Variants in CTNNA3 observed in about 807,000 individuals in gnomAD.
CTNNA3 encodes catenin alpha 3.
A neutral mutation model predicts 95.7 loss-of-function variants in CTNNA3; 76 were observed. The observed-to-expected ratio is 0.79, with a 90% CI of 0.66 to 0.96. CTNNA3 has a LOEUF of 0.96. Ranked by LOEUF, CTNNA3 falls within the 40% of genes least tolerant of loss-of-function variation. The pLI is 0.00. For missense variants in CTNNA3, 1,191 were observed against 1,089.8 expected, an observed-to-expected ratio of 1.09 and a Z score of -1.31; for synonymous variants, 431 against 374.4, an observed-to-expected ratio of 1.15 and a Z score of -1.74.
chr10:65,927,506 A>G (rs1484295562), intron 17 of CTNNA3, among the ~76,000 whole-genome samples: 2 of 152,168 alleles, frequency 1.3e-5, no homozygotes, highest in Non-Finnish European at 2.9e-5. Context: ...ATAGAGCACC[A>G]CAGATTAGAT....
At chr10:67,646,649 T>G (rs533637435) in intron 2 of CTNNA3, among the ~76,000 whole-genome samples, 2 of 152,136 alleles carry the variant, frequency 1.3e-5, no homozygotes, top group South Asian at 2.1e-4. Context: ...GTCGGCATAG[T>G]TTTTCACCCA....
At chr10:66,891,627 T>C (rs1321572619) in intron 7 of CTNNA3, among the ~76,000 whole-genome samples, 1 of 152,142 alleles carries the variant, frequency 6.6e-6, no homozygotes, top group Non-Finnish European at 1.5e-5. Context: ...TTTTCTTGTA[T>C]GTAGATTTCA....
chr10:67,411,269 T>A (rs1239380644), intron 5 of CTNNA3, among the ~76,000 whole-genome samples: 1 of 152,142 alleles, frequency 6.6e-6, no homozygotes, highest in Non-Finnish European at 1.5e-5. Context: ...ATATAATCAT[T>A]CCACAATGTC....
At chr10:66,243,360 C>A (rs1199078475) in intron 13 of CTNNA3, among the ~76,000 whole-genome samples, 4 of 152,154 alleles carry the variant, frequency 2.6e-5, no homozygotes, top group South Asian at 2.1e-4. Flanking sequence ...AAGTCTGGTA[C>A]CTTTTTAAGT....
At chr10:67,553,898 A>T (rs1841126817) in intron 3 of CTNNA3, among the ~76,000 whole-genome samples, 1 of 151,974 alleles carries the variant, frequency 6.6e-6, no homozygotes, top group South Asian at 2.1e-4. Context: ...TCCTAATGCT[A>T]TCCCTCCCCG....
At chr10:66,326,554 G>A (rs909167271) in intron 12 of CTNNA3, among the ~76,000 whole-genome samples, 48 of 151,858 alleles carry the variant, frequency 3.2e-4, no homozygotes, top group African/African-American at 1.1e-3. Flanking sequence ...ATAAGTTATA[G>A]GAAAATAATA....
In CTNNA3 at chr10:66,517,478, G is replaced by C. The variant is rs144402233; in HGVS notation, c.1531+3139C>G. 5.2e-3 allele frequency among the ~76,000 whole-genome samples: 794 copies of C among 152,084 alleles called. 5 individuals are homozygous for C. Among genetic ancestry groups the C allele is most frequent in the African/African-American group, 0.018 (760 of 41,476 alleles). On this transcript the variant is annotated intron_variant, in intron 11 of 17. Coordinates refer to ENST00000433211, the MANE Select transcript of CTNNA3 (RefSeq NM_013266.4). The stretch of plus-strand genomic sequence containing the variant: ...TACCAAAACCAAGATGGCCACAAGA[G>C]TGACCTCTGCTCATCCTCACTACTA...
intron 5 of CTNNA3, among the ~76,000 whole-genome samples, chr10:67,432,637 T>G (rs1242314364): frequency 6.6e-6 from 1 of 152,072 alleles, no homozygotes; most frequent in Non-Finnish European, 1.5e-5. Flanking sequence ...AAAATACATA[T>G]GATTGCATTT....
chr10:67,180,555 C>A, intron 6 of CTNNA3, 35 bp from the exon 7 acceptor site: 1 of 1,497,468 alleles, frequency 6.7e-7, no homozygotes, highest in East Asian at 2.3e-5. Context: ...GTTAGAGCTC[C>A]ATGGCATTTC....
chr10:67,535,058 T>A (rs1201814135), intron 4 of CTNNA3, among the ~76,000 whole-genome samples: 1 of 152,148 alleles, frequency 6.6e-6, no homozygotes, highest in Non-Finnish European at 1.5e-5. Context: ...CATTAAAAAG[T>A]AAGTCATGCC....
chr10:66,292,497 C>T (rs2132198239), intron 12 of CTNNA3, among the ~76,000 whole-genome samples: 1 of 148,976 alleles, frequency 6.7e-6, no homozygotes, highest in African/African-American at 2.5e-5. Flanking sequence ...AGGTCTCTCT[C>T]AATGGAAAAG....
rs568309782 is a variant in CTNNA3 at position 66,753,101 on chromosome 10, C to T, written c.1281+13163G>A. Among the ~76,000 whole-genome samples the T allele has an allele frequency of 1.8e-3, 270 of 152,256 alleles. 1 individual carries two copies. The highest frequency in any genetic ancestry group is 4.6e-3 in the Admixed American group (70 of 15,300). Reference sequence around the variant, plus strand: ...ACTCATTCCTTCTGGAGCACATATACTTTTTCCCCAATTCAAGCCTGGACT... The same window carrying T: ...ACTCATTCCTTCTGGAGCACATATATTTTTTCCCCAATTCAAGCCTGGACT... On this transcript the variant is annotated intron_variant, in intron 9 of 17. Transcript: ENST00000433211.
intron 5 of CTNNA3, among the ~76,000 whole-genome samples, chr10:67,374,254 G>A (rs559678278): frequency 6.6e-6 from 1 of 152,230 alleles, no homozygotes; most frequent in African/African-American, 2.4e-5. Context: ...AAACAAGTGG[G>A]TGTGACTGTG....
chr10:67,134,691 C>A (rs1860207536), intron 7 of CTNNA3, among the ~76,000 whole-genome samples: 1 of 152,108 alleles, frequency 6.6e-6, no homozygotes, highest in African/African-American at 2.4e-5. Context: ...TGGATCCTAG[C>A]TTGCACTCTT....
chr10:66,193,723 A>G (rs1421384440), intron 13 of CTNNA3, among the ~76,000 whole-genome samples: 1 of 152,126 alleles, frequency 6.6e-6, no homozygotes, highest in African/African-American at 2.4e-5. Context: ...TTTATTTCAT[A>G]CTTCCTAGTA....
chr10:67,273,119 A>C lies in CTNNA3; in HGVS notation c.580-53249T>G, dbSNP rs181761730. 1.5e-3 allele frequency among the ~76,000 whole-genome samples: 221 copies of C among 152,290 alleles called. 2 individuals are homozygous for C. The highest frequency in any genetic ancestry group is 5.1e-3 in the African/African-American group (214 of 41,562). On this transcript the variant is annotated intron_variant, in intron 5 of 17. Transcript: ENST00000433211. ...CATGAGACTATGGAGAAGTCACATA[A>C]CCATCATAACTCCTATTCCTCATAC...
At chr10:66,492,074 C>T (rs1839942716) in intron 11 of CTNNA3, among the ~76,000 whole-genome samples, 1 of 152,114 alleles carries the variant, frequency 6.6e-6, no homozygotes, top group Non-Finnish European at 1.5e-5. Flanking sequence ...CTCCTTTCCT[C>T]AAACAGAAAT....
At chr10:67,247,958 A>C (rs189762872) in intron 5 of CTNNA3, among the ~76,000 whole-genome samples, 52 of 152,312 alleles carry the variant, frequency 3.4e-4, no homozygotes, top group African/African-American at 1.2e-3. Context: ...CAGAGTCCAA[A>C]ATTAAATATT....
intron 15 of CTNNA3, among the ~76,000 whole-genome samples, chr10:66,049,983 C>T (rs911100425): frequency 4.6e-5 from 7 of 152,104 alleles, no homozygotes; most frequent in Admixed American, 1.3e-4. Flanking sequence ...AGGAACCACA[C>T]ACACAAAAAA....
Sources: allele counts gnomAD v4.1 joint callset (sites outside exome capture counted in the v4.1 genomes callset), GRCh38; gene constraint gnomAD v4.1.1; transcripts MANE v1.5; gene names NCBI Gene and HGNC (gene_info 2026-07-23, HGNC 2026-07-21).